DLGAP2: variants seen among roughly 807,000 people sequenced by gnomAD.
The protein encoded by DLGAP2 is DLG associated protein 2.
Under a neutral mutation model 100.3 loss-of-function variants are expected in DLGAP2, and 26 were observed. That is an observed-to-expected ratio of 0.26 (90% CI 0.19 to 0.36). The LOEUF is 0.36. Among genes scored for constraint, DLGAP2 ranks in the 10% least tolerant of loss-of-function variants. The probability of loss-of-function intolerance (pLI) is 1.00; values close to 1 mark genes in which losing one functional copy is unlikely to be tolerated. For synonymous variants in DLGAP2, 886 were observed against 630.1 expected (o/e 1.41, Z -6.08); for missense variants, 1,858 against 1,453.2 (o/e 1.28, Z -4.53).
At chr8:960,246 T>TTTTTTTTTTTTTTTTTTTTTA (rs1799693507) in intron 2 of DLGAP2, among the ~76,000 whole-genome samples, 1 of 129,680 alleles carries the variant, frequency 7.7e-6, no homozygotes, top group Non-Finnish European at 1.6e-5. Context: ...TCTTTTTTTT[T>TTTTTTTTTTTTTTTTTTTTTA]TTTTTTCCCG....
At chr8:1,237,080 G>A (rs375005329) in intron 2 of DLGAP2, among the ~76,000 whole-genome samples, 7 of 122,762 alleles carry the variant, frequency 5.7e-5, no homozygotes, top group East Asian at 2.5e-4. Flanking sequence ...GTCACATGGC[G>A]CCGTGTCTAG....
chr8:1,484,663 T>G (rs1175077239), intron 3 of DLGAP2, among the ~76,000 whole-genome samples: 1 of 152,256 alleles, frequency 6.6e-6, no homozygotes, highest in East Asian at 1.9e-4. Context: ...TGAAAGTGGC[T>G]GAGGCATTTG....
chr8:1,699,929 T>G (rs1019716111), intron 14 of DLGAP2, among the ~76,000 whole-genome samples: 1 of 152,228 alleles, frequency 6.6e-6, no homozygotes, highest in Non-Finnish European at 1.5e-5. Flanking sequence ...TTCTCTCCTT[T>G]TCTCTTGGCA....
At chr8:1,610,809 G>A (rs1393865619) in intron 6 of DLGAP2, among the ~76,000 whole-genome samples, 5 of 126,076 alleles carry the variant, frequency 4.0e-5, no homozygotes, top group Admixed American at 7.3e-5. Context: ...TAAATTGCTC[G>A]ACACATACAC....
chr8:1,451,495 C>T (rs981164933), intron 3 of DLGAP2, among the ~76,000 whole-genome samples: 1 of 131,608 alleles, frequency 7.6e-6, no homozygotes, highest in Non-Finnish European at 1.6e-5. Context: ...TGATCCTTCC[C>T]TACCTCAGCA....
intron 2 of DLGAP2, among the ~76,000 whole-genome samples, chr8:1,024,027 C>A (rs1210425089): frequency 5.3e-5 from 8 of 151,966 alleles, no homozygotes; most frequent in Non-Finnish European, 1.0e-4. Flanking sequence ...CTTCCTCATG[C>A]CTCTGTCCAG....
intron 2 of DLGAP2, among the ~76,000 whole-genome samples, chr8:1,212,726 A>G (rs998675034): frequency 6.6e-6 from 1 of 151,320 alleles, no homozygotes. Flanking sequence ...TTATTTTTCC[A>G]GTACCTTTTT....
intron 2 of DLGAP2, among the ~76,000 whole-genome samples, chr8:1,189,846 C>A (rs1376499949): frequency 6.6e-6 from 1 of 152,170 alleles, no homozygotes; most frequent in African/African-American, 2.4e-5. Flanking sequence ...GCTGCTCCAG[C>A]AGGCAGGAGG....
intron 6 of DLGAP2, among the ~76,000 whole-genome samples, chr8:1,598,498 C>T (rs1282577767): frequency 6.6e-6 from 1 of 151,840 alleles, no homozygotes; most frequent in African/African-American, 2.4e-5. Flanking sequence ...TGATCCTGGG[C>T]TTTTTTTTGT....
At chr8:1,540,707 G>A (rs1004126480) in intron 4 of DLGAP2, among the ~76,000 whole-genome samples, 12 of 152,220 alleles carry the variant, frequency 7.9e-5, no homozygotes, top group Admixed American at 3.9e-4. Context: ...ACTGCGGACA[G>A]AGCCCAGCGT....
chr8:979,343 C>T (rs952750287), intron 2 of DLGAP2, among the ~76,000 whole-genome samples: 1 of 152,168 alleles, frequency 6.6e-6, no homozygotes, highest in Non-Finnish European at 1.5e-5. Context: ...AGTGGATATC[C>T]ACCCCACAAG....
chr8:1,165,637 C>A (rs905850552), intron 2 of DLGAP2, among the ~76,000 whole-genome samples: 3 of 152,232 alleles, frequency 2.0e-5, no homozygotes, highest in Admixed American at 6.5e-5. Flanking sequence ...GTGACTGTTA[C>A]ATGATTTTCG....
chr8:1,294,210 C>A (rs1050434242), intron 3 of DLGAP2, among the ~76,000 whole-genome samples: 10 of 152,206 alleles, frequency 6.6e-5, no homozygotes, highest in African/African-American at 2.4e-4. Context: ...CCACCTCTCC[C>A]CTTGCCAGTC....
chr8:1,018,281 T>G (rs6559202), intron 2 of DLGAP2, among the ~76,000 whole-genome samples: 3 of 151,980 alleles, frequency 2.0e-5, no homozygotes, highest in South Asian at 4.1e-4. Context: ...TCTTTGAACA[T>G]TGATTCCGGC....
At position 1,267,623 on chromosome 8, in the gene DLGAP2, TA is replaced by T. The variant is rs57138660; in HGVS notation, c.106+8743del. Among the ~76,000 whole-genome samples the T allele has an allele frequency of 1.7e-3, 130 of 76,626 alleles. 19 individuals carry two copies. The highest frequency in any genetic ancestry group is 8.0e-3 in the African/African-American group (122 of 15,162). 50.3% of individuals were successfully genotyped at this position (76,626 alleles called of 152,430 possible). ...TAAGATAAGATAAGATAAGATAAGA[TA>T]AATATTAAATAGGTCTACAAAAAGG... On this transcript the variant is annotated intron_variant, in intron 3 of 14. Coordinates refer to ENST00000637795, the MANE Select transcript of DLGAP2 (RefSeq NM_001346810.2).
intron 2 of DLGAP2, among the ~76,000 whole-genome samples, chr8:1,124,510 T>C (rs528674525): frequency 4.6e-5 from 7 of 152,346 alleles, no homozygotes; most frequent in African/African-American, 1.2e-4. Flanking sequence ...TTTTTATTAC[T>C]CATCAAATAT....
chr8:1,125,535 CA>C (rs1321877798), intron 2 of DLGAP2, among the ~76,000 whole-genome samples: 1 of 152,160 alleles, frequency 6.6e-6, no homozygotes, highest in Non-Finnish European at 1.5e-5. Flanking sequence ...CAGATGAAAA[CA>C]ACTCAACTCT....
chr8:819,939 G>A (rs1252406785), intron 1 of DLGAP2, among the ~76,000 whole-genome samples: 3 of 152,134 alleles, frequency 2.0e-5, no homozygotes, highest in Non-Finnish European at 4.4e-5. Flanking sequence ...AGTGGATTAC[G>A]TGGTAATGAA....
chr8:921,586 T>TG (rs1328176165), intron 2 of DLGAP2, among the ~76,000 whole-genome samples: 1 of 152,230 alleles, frequency 6.6e-6, no homozygotes, highest in Non-Finnish European at 1.5e-5. Context: ...TCTGTGGGAT[T>TG]GTCCTGGTCC....
Sources: allele counts gnomAD v4.1 joint callset (sites outside exome capture counted in the v4.1 genomes callset), GRCh38; gene constraint gnomAD v4.1.1; transcripts MANE v1.5; gene names NCBI Gene and HGNC (gene_info 2026-07-23, HGNC 2026-07-21).